The following PLXNA2 variants were observed in gnomAD, a reference collection of about 807,000 sequenced individuals.
The protein encoded by PLXNA2 is plexin A2, also known as plexin-A2.
PLXNA2 carries 91 observed loss-of-function variants against 193.5 expected under a neutral mutation model. The ratio of observed to expected loss-of-function variants is 0.47; its 90% CI spans 0.40 to 0.56. The LOEUF is 0.56. Among genes scored for constraint, PLXNA2 ranks in the 20% least tolerant of loss-of-function variants. The probability of loss-of-function intolerance (pLI) is 0.00; values close to 1 mark genes in which losing one functional copy is unlikely to be tolerated. For synonymous variants in PLXNA2, 997 were observed against 1,027.3 expected (o/e 0.97, Z 0.56); for missense variants, 1,995 against 2,503.2 (o/e 0.80, Z 4.33).
intron 4 of PLXNA2, among the ~76,000 whole-genome samples, chr1:208,111,143 C>T (rs72738902): frequency 0.058 from 8,893 of 152,190 alleles, 389 homozygotes; most frequent in Non-Finnish European, 0.091. Context: ...CTCTACCTCC[C>T]GGGCTCAACG....
At chr1:208,129,180 A>T (rs1422976332) in intron 4 of PLXNA2, among the ~76,000 whole-genome samples, 1 of 152,156 alleles carries the variant, frequency 6.6e-6, no homozygotes, top group Non-Finnish European at 1.5e-5. Flanking sequence ...ATGGGCAGAG[A>T]TCTTCCTTGC....
At position 208,028,729 on chromosome 1, in the gene PLXNA2, A is replaced by G. The variant is rs1664413737; in HGVS notation, c.5438+101T>C. 1.8e-6 allele frequency: 2 copies of G among 1,102,834 alleles called. No homozygotes were observed. The highest frequency in any genetic ancestry group is 1.3e-6 in the Non-Finnish European group (1 of 759,554). 68.3% of individuals were successfully genotyped at this position (1,102,834 alleles called of 1,614,324 possible). ...GAGGGGAGTGGGAGGTCCTGAAGAG[A>G]TGACAGACACCGTCGTCTGAGTCCT... On this transcript the variant is annotated intron_variant, in intron 30 of 31. Transcript: ENST00000367033. The surrounding 1 kb of genome is among the most constrained non-coding windows in gnomAD (Gnocchi z 4.2).
chr1:208,064,754 G>A (rs969962758), intron 12 of PLXNA2, among the ~76,000 whole-genome samples: 44 of 152,150 alleles, frequency 2.9e-4, no homozygotes, highest in African/African-American at 9.2e-4. Context: ...TCAAGGATTC[G>A]GAGATGGCCA....
intron 3 of PLXNA2, among the ~76,000 whole-genome samples, chr1:208,176,927 C>T (rs1210168575): frequency 1.3e-5 from 2 of 152,184 alleles, no homozygotes; most frequent in East Asian, 3.9e-4. Context: ...ACCTGCTGTG[C>T]CCAGTTCACC....
At chr1:208,190,113 G>T (rs926454804) in intron 3 of PLXNA2, among the ~76,000 whole-genome samples, 1 of 152,310 alleles carries the variant, frequency 6.6e-6, no homozygotes, top group East Asian at 1.9e-4. Context: ...GTGTGTATAT[G>T]AGTATAGATG....
Position 208,026,445 on chromosome 1 carries a change from C to T in PLXNA2, c.*798G>A, listed in dbSNP as rs1187972516. The T allele has an allele frequency of 3.9e-5, 6 of 152,202 alleles. No individual in the cohort carries two copies. Among genetic ancestry groups the T allele is most frequent in the Non-Finnish European group, 4.4e-5 (3 of 68,044 alleles). The allele number at this position is 152,202 out of a possible 1,614,324, so 9.4% of individuals were successfully genotyped here. A position where few individuals can be genotyped will look rare whatever the true frequency, so the allele number is the denominator to read the frequency against. On this transcript the variant is annotated 3_prime_UTR_variant, in exon 32 of 32. Transcript: ENST00000367033. ...TACTATCTAGGTACACATCTCCTCT[C>T]AAAAGATGAGAATATACAGGTGTGT...
intron 17 of PLXNA2, among the ~76,000 whole-genome samples, chr1:208,046,402 A>C (rs976123341): frequency 6.6e-6 from 1 of 152,158 alleles, no homozygotes; most frequent in Non-Finnish European, 1.5e-5. Flanking sequence ...CGGCAGACAC[A>C]GTCTGGAGGG....
intron 4 of PLXNA2, among the ~76,000 whole-genome samples, chr1:208,136,340 G>T (rs920103703): frequency 6.6e-6 from 1 of 152,224 alleles, no homozygotes; most frequent in Non-Finnish European, 1.5e-5. Flanking sequence ...CCAGAACAGT[G>T]TGCCAACTAC....
chr1:208,210,206 T>C (rs1205908365), intron 3 of PLXNA2, 74 bp downstream of exon 3: 35 of 1,509,640 alleles, frequency 2.3e-5, no homozygotes, highest in Non-Finnish European at 3.1e-5. Flanking sequence ...TCTCCACCAA[T>C]AGCTACCTTC....
intron 9 of PLXNA2, among the ~76,000 whole-genome samples, chr1:208,087,592 C>A (rs531537896): frequency 8.3e-4 from 126 of 152,262 alleles, no homozygotes; most frequent in Non-Finnish European, 1.4e-3. Flanking sequence ...TCAGGTCAGA[C>A]AGAATAGGAT....
chr1:208,210,003 TTGCTTTTGCAGATGTACC>T, intron 3 of PLXNA2: 2 of 181,430 alleles, frequency 1.1e-5, no homozygotes, highest in Non-Finnish European at 1.1e-5. Flanking sequence ...TTTTTTTTTT[TTGCTTTTGCAGATGTACC>T]TTCTTAAAGT....
chr1:208,227,895 C>G lies in PLXNA2; in HGVS notation c.-80-9893G>C, dbSNP rs1671562923. On this transcript the variant is annotated intron_variant, in intron 1 of 31. Transcript: ENST00000367033. ...CTCAACTAAAAGGTTAAATAAATTA[C>G]AGTTACTCCATATAATGGCATATTG... Among the ~76,000 whole-genome samples, 3 of 152,152 alleles carry G rather than the reference C, an allele frequency of 2.0e-5. No homozygotes were observed. In the South Asian group the frequency reaches 6.2e-4, roughly 32 times the overall value.
At chr1:208,068,404 G>A (rs1323135561) in intron 12 of PLXNA2, among the ~76,000 whole-genome samples, 1 of 152,128 alleles carries the variant, frequency 6.6e-6, no homozygotes, top group Non-Finnish European at 1.5e-5. Flanking sequence ...ATTCCTCATC[G>A]AATGGAGGAC....
At chr1:208,095,973 G>C in intron 8 of PLXNA2, 56 bp downstream of exon 8, 3 of 1,354,734 alleles carry the variant, frequency 2.2e-6, no homozygotes, top group Non-Finnish European at 3.2e-6. Context: ...TCGAGGGGAA[G>C]AAAGCCCATA....
At chr1:208,141,818 G>C (rs1668463354) in intron 4 of PLXNA2, among the ~76,000 whole-genome samples, 1 of 152,202 alleles carries the variant, frequency 6.6e-6, no homozygotes, top group Non-Finnish European at 1.5e-5. Context: ...CTATTTCTCA[G>C]GGCTTCCCAT....
chr1:208,098,450 T>TCACA (rs1445237359), intron 6 of PLXNA2, among the ~76,000 whole-genome samples: 5 of 120,440 alleles, frequency 4.2e-5, no homozygotes, highest in Admixed American at 2.5e-4. Flanking sequence ...TCTCTCTCTC[T>TCACA]CTCTCTCTCA....
intron 3 of PLXNA2, among the ~76,000 whole-genome samples, chr1:208,185,175 C>T (rs553425719): frequency 3.3e-5 from 5 of 152,270 alleles, no homozygotes; most frequent in South Asian, 2.1e-4. Context: ...TTGACTGAAC[C>T]GTTCAAAGGA....
chr1:208,122,972 G>A (rs1667852963), intron 4 of PLXNA2, among the ~76,000 whole-genome samples: 1 of 152,150 alleles, frequency 6.6e-6, no homozygotes, highest in Non-Finnish European at 1.5e-5. Context: ...ATTCAATGGT[G>A]TTTTGTATAT....
At chr1:208,228,422 A>G (rs1305531386) in intron 1 of PLXNA2, among the ~76,000 whole-genome samples, 1 of 152,142 alleles carries the variant, frequency 6.6e-6, no homozygotes, top group Non-Finnish European at 1.5e-5. Flanking sequence ...CTTGTAAGAC[A>G]GTGACATTGT....
Sources: gnomAD v4.1 joint callset for allele counts (sites outside exome capture counted in the v4.1 genomes callset) on GRCh38, gnomAD v4.1.1 for gene constraint, Gnocchi (gnomAD v3.1) non-coding constraint, MANE v1.5 for transcripts, NCBI Gene and HGNC (gene_info 2026-07-23, HGNC 2026-07-21) for gene names.